The following ADAMTSL2 variants were observed in gnomAD, a reference collection of about 807,000 sequenced individuals.
The protein encoded by ADAMTSL2 is ADAMTS like 2, also known as ADAMTS-like protein 2.
ADAMTSL2 carries 55 observed loss-of-function variants against 117.0 expected under a neutral mutation model. The observed-to-expected ratio is 0.47, with a 90% CI of 0.38 to 0.59. The LOEUF (loss-of-function observed/expected upper bound fraction) is 0.59, where lower values mean the gene tolerates loss of function less well. ADAMTSL2 is among the 20% of genes least tolerant of loss of function. ADAMTSL2 has a pLI of 0.00. For synonymous variants in ADAMTSL2, 572 were observed against 566.4 expected (o/e 1.01, Z -0.14); for missense variants, 1,182 against 1,354.5 (o/e 0.87, Z 2.00).
chr9:133,565,398 G>A (rs1031292575), intron 12 of ADAMTSL2, among the ~76,000 whole-genome samples: 4 of 152,116 alleles, frequency 2.6e-5, no homozygotes, highest in Non-Finnish European at 4.4e-5. Context: ...TTTCCACTCC[G>A]TGACGAGGAG....
rs905658023 is a variant in ADAMTSL2, at chr9:133,534,856, C to G, written c.-212C>G. On this transcript the variant is annotated 5_prime_UTR_variant, in exon 1 of 19. Transcript: ENST00000651351. The stretch of plus-strand genomic sequence containing the variant: ...CCCGCACGCACAGCGCACCTGGCGC[C>G]GTCTGCCCTCCGCAGCGCTCGCCCC... 6.7e-6 allele frequency: 10 copies of G among 1,493,204 alleles called. No homozygotes were observed. Among genetic ancestry groups the G allele is most frequent in the Non-Finnish European group, 8.1e-6 (9 of 1,117,070 alleles). 92.5% of individuals were successfully genotyped at this position (1,493,204 alleles called of 1,614,324 possible). A position where few individuals can be genotyped will look rare whatever the true frequency, so the allele number is the denominator to read the frequency against.
At position 133,575,042 on chromosome 9, in the gene ADAMTSL2, G is replaced by C; in HGVS notation, c.*178G>C. 1 of 613,242 alleles carries C rather than the reference G, an allele frequency of 1.6e-6. No individual in the cohort carries two copies. Among genetic ancestry groups the C allele is most frequent in the Non-Finnish European group, 2.9e-6 (1 of 344,068 alleles). 38.0% of individuals were successfully genotyped at this position (613,242 alleles called of 1,614,324 possible). On this transcript the variant is annotated 3_prime_UTR_variant, in exon 19 of 19. Coordinates refer to ENST00000651351, the MANE Select transcript of ADAMTSL2 (RefSeq NM_014694.4). ...GGCCCGTGGACCTTTGTGCTCCTGG[G>C]GCAGAGCCTCCGGCACCCAGTGGCC... is the stretch of plus-strand genomic sequence containing the variant.
intron 3 of ADAMTSL2, among the ~76,000 whole-genome samples, chr9:133,538,061 ACACACATGTGTGTGCACCTGGGCACAG>A (rs1376923038): frequency 6.6e-6 from 1 of 152,118 alleles, no homozygotes; most frequent in African/African-American, 2.4e-5. Flanking sequence ...GCTTCTGAGA[ACACACATGTGTGTGCACCTGGGCACAG>A]GCCTGGCACA....
chr9:133,567,005 C>G lies in ADAMTSL2; in HGVS notation c.1817C>G (p.Ala606Gly). 6.2e-7 allele frequency: 1 copy of G among 1,611,564 alleles called. No homozygotes were observed. Among genetic ancestry groups the G allele is most frequent in the Non-Finnish European group, 8.5e-7 (1 of 1,179,584 alleles). Residue 606 changes from alanine (A) to glycine (G), a missense_variant, in exon 13 of 19, where the codon GCC becomes GGC. Physicochemically the swap from Ala to Gly is moderately conservative, Grantham distance 60. This residue lies in a region of ADAMTSL2 where 465 missense variants were observed against 565.3 expected (regional missense o/e 0.82). Coordinates refer to ENST00000651351, the MANE Select transcript of ADAMTSL2 (RefSeq NM_014694.4). ...GAGGTGGATGACAGCTACTGTGACGCCCTGACCCGTCCCGAGCCTGTCCAC... is the reference window on the plus strand; with the variant it reads ...GAGGTGGATGACAGCTACTGTGACGGCCTGACCCGTCCCGAGCCTGTCCAC... ...GVEVDDSYCD[A>G]LTRPEPVHEF...
At chr9:133,552,870 A>G (rs1007177395) in intron 9 of ADAMTSL2, among the ~76,000 whole-genome samples, 12 of 152,170 alleles carry the variant, frequency 7.9e-5, no homozygotes, top group African/African-American at 2.7e-4. Flanking sequence ...GTGCCATCCT[A>G]GTAGCCTGGT....
chr9:133,559,674 C>T (rs1830684387), intron 11 of ADAMTSL2, among the ~76,000 whole-genome samples: 1 of 152,002 alleles, frequency 6.6e-6, no homozygotes, highest in Non-Finnish European at 1.5e-5. Context: ...TTTAAAGCTT[C>T]CTCTAAGTTC....
At chr9:133,546,141 G>A (rs1053805904) in intron 8 of ADAMTSL2, among the ~76,000 whole-genome samples, 1 of 152,084 alleles carries the variant, frequency 6.6e-6, no homozygotes, top group African/African-American at 2.4e-5. Flanking sequence ...CAGCCCTGGA[G>A]GCCCCCCACC....
At chr9:133,549,777 C>G (rs1830440802) in intron 9 of ADAMTSL2, among the ~76,000 whole-genome samples, 1 of 152,288 alleles carries the variant, frequency 6.6e-6, no homozygotes, top group African/African-American at 2.4e-5. Flanking sequence ...CCCAAACAGA[C>G]CGTGTGTGGC....
At chr9:133,552,915 C>T (rs1036182392) in intron 9 of ADAMTSL2, among the ~76,000 whole-genome samples, 1 of 152,228 alleles carries the variant, frequency 6.6e-6, no homozygotes, top group Non-Finnish European at 1.5e-5. Flanking sequence ...AAGGCGCTAA[C>T]TTCTTTGTCA....
intron 8 of ADAMTSL2, among the ~76,000 whole-genome samples, chr9:133,546,033 C>T (rs1391173049): frequency 6.6e-6 from 1 of 152,132 alleles, no homozygotes; most frequent in Non-Finnish European, 1.5e-5. Flanking sequence ...AAGCCGAACT[C>T]CTCTTCTCCC....
rs1258238709 is a variant in ADAMTSL2, at chr9:133,534,772, C to T, written c.-296C>T. 8.2e-6 allele frequency: 12 copies of T among 1,462,078 alleles called. No homozygotes were observed. The highest frequency in any genetic ancestry group is 2.7e-5 in the South Asian group (2 of 73,702). The allele number at this position is 1,462,078 out of a possible 1,614,324, so 90.6% of individuals were successfully genotyped here. A position where few individuals can be genotyped will look rare whatever the true frequency, so the allele number is the denominator to read the frequency against. Reference sequence around the variant, plus strand: ...TTTGAAGTGGGAGAGGGAGGCGGCGCGGGGGAGGAGGGGAAGGGGAGAGGG... The same window carrying T: ...TTTGAAGTGGGAGAGGGAGGCGGCGTGGGGGAGGAGGGGAAGGGGAGAGGG... On this transcript the variant is annotated 5_prime_UTR_variant, in exon 1 of 19. Transcript: ENST00000651351.
intron 16 of ADAMTSL2, among the ~76,000 whole-genome samples, chr9:133,569,917 A>G (rs903658543): frequency 1.5e-4 from 23 of 152,206 alleles, no homozygotes; most frequent in Admixed American, 1.5e-3. Context: ...GCGACCTCTG[A>G]TCGTGACCAG....
At chr9:133,532,709 G>A (rs1829967286), upstream of ADAMTSL2, 1 of 152,296 alleles carries the variant, frequency 6.6e-6, no homozygotes, top group South Asian at 2.1e-4. Flanking sequence ...GGCATCAGGA[G>A]CTACCAGAGC....
chr9:133,547,287 G>A, intron 9 of ADAMTSL2, 74 bp downstream of exon 9: 1 of 1,499,778 alleles, frequency 6.7e-7, no homozygotes, highest in Non-Finnish European at 9.1e-7. Context: ...CACAGGTGAG[G>A]TCTTCCAGCC....
intron 17 of ADAMTSL2, among the ~76,000 whole-genome samples, chr9:133,573,546 TGA>T (rs1344537781): frequency 6.6e-6 from 1 of 151,432 alleles, no homozygotes; most frequent in African/African-American, 2.4e-5. Flanking sequence ...CCCTGGGAAA[TGA>T]GAGAGGAGGG....
chr9:133,555,519 C>G, intron 10 of ADAMTSL2, 39 bp from the exon 11 acceptor site: 30 of 1,612,624 alleles, frequency 1.9e-5, no homozygotes, highest in Non-Finnish European at 2.5e-5. Context: ...CCCCAGGGCT[C>G]GGATGTGCCC....
At position 133,568,583 on chromosome 9, in the gene ADAMTSL2, C is replaced by A; in HGVS notation, c.2089-20C>A. On this transcript the variant is annotated intron_variant, in intron 14 of 18. Coordinates refer to ENST00000651351, the MANE Select transcript of ADAMTSL2 (RefSeq NM_014694.4). ...ACACCTGTGTCACACCCCCCCTGCC[C>A]CCTCCCCCTGCCGCCCCAGTGCACT... 2 of 1,563,864 alleles carry A rather than the reference C, an allele frequency of 1.3e-6. No homozygotes were observed. Among genetic ancestry groups the A allele is most frequent in the East Asian group, 2.3e-5 (1 of 42,686 alleles).
intron 9 of ADAMTSL2, among the ~76,000 whole-genome samples, chr9:133,549,775 G>A (rs1373170715): frequency 6.6e-6 from 1 of 152,174 alleles, no homozygotes; most frequent in African/African-American, 2.4e-5. Flanking sequence ...TGCCCAAACA[G>A]ACCGTGTGTG....
intron 1 of ADAMTSL2, among the ~76,000 whole-genome samples, chr9:133,535,768 C>T (rs2131085872): frequency 6.6e-6 from 1 of 152,260 alleles, no homozygotes; most frequent in South Asian, 2.1e-4. Context: ...TGGCAAGTGA[C>T]CCTCAGCACC....
Sources: allele counts gnomAD v4.1 joint callset (sites outside exome capture counted in the v4.1 genomes callset), GRCh38; gene constraint gnomAD v4.1.1; regional missense constraint gnomAD v4.1.1; transcripts MANE v1.5; gene names NCBI Gene and HGNC (gene_info 2026-07-23, HGNC 2026-07-21).